The following ANKRD36 variants were observed in gnomAD, a reference collection of about 807,000 sequenced individuals.
ANKRD36 encodes ankyrin repeat domain-containing protein 36A.
A neutral mutation model predicts 278.1 loss-of-function variants in ANKRD36; 179 were observed. The observed-to-expected ratio is 0.64, with a 90% CI of 0.57 to 0.73. The LOEUF (loss-of-function observed/expected upper bound fraction) is 0.73, where lower values mean the gene tolerates loss of function less well. Among genes scored for constraint, ANKRD36 ranks in the 30% least tolerant of loss-of-function variants. The probability of loss-of-function intolerance (pLI) is 0.00; values close to 1 mark genes in which losing one functional copy is unlikely to be tolerated. For missense variants in ANKRD36, 1,159 were observed against 1,956.7 expected, an observed-to-expected ratio of 0.59 and a Z score of 7.69; for synonymous variants, 320 against 641.1, an observed-to-expected ratio of 0.50 and a Z score of 7.57.
In ANKRD36 at chr2:97,113,729, A is replaced by C. The variant is rs553302847; in HGVS notation, c.-11A>C. ...AATACGGCTGCAGGCTACAATTTGC[A>C]GCCGACGATTATGGAAGACGGCAAG... On this transcript the variant is annotated 5_prime_UTR_variant, in exon 1 of 76. Transcript: ENST00000420699. 3.7e-5 allele frequency: 59 copies of C among 1,611,440 alleles called. No individual in the cohort carries two copies. The African/African-American group carries it at 7.3e-4, about 20-fold the overall frequency.
rs575508349 is a variant in ANKRD36 at position 97,175,870 on chromosome 2, A to T, written c.1634-3868A>T. On this transcript the variant is annotated intron_variant, in intron 22 of 75. Transcript: ENST00000420699. ...AAAGAACATCTTTATTTCTGCCTTC[A>T]TTTTGTTATGTACCCAGTAGTCATT... Among the ~76,000 whole-genome samples the T allele has an allele frequency of 5.3e-5, 8 of 151,494 alleles. No individual in the cohort carries two copies. In the East Asian group the frequency reaches 1.6e-3, roughly 30 times the overall value.
At chr2:97,189,419 A>C in intron 34 of ANKRD36, 129 bp downstream of exon 34, 1 of 457,886 alleles carries the variant, frequency 2.2e-6, no homozygotes, top group East Asian at 2.9e-5. Flanking sequence ...AGCAGGCCTG[A>C]GAGTCTTCAT....
chr2:97,201,333 T>A (rs2061323902), intron 46 of ANKRD36, among the ~76,000 whole-genome samples: 5 of 151,888 alleles, frequency 3.3e-5, no homozygotes, highest in Admixed American at 3.3e-4. Flanking sequence ...GAAAATAACA[T>A]GATACTGCCT....
intron 10 of ANKRD36, 23 bp downstream of exon 10, chr2:97,144,735 AT>A (rs1288948279): frequency 6.5e-7 from 1 of 1,542,836 alleles, no homozygotes; most frequent in African/African-American, 1.4e-5. Context: ...TACACATTTA[AT>A]GCCATGTACA....
At chr2:97,221,233 A>G (rs2067569251) in intron 66 of ANKRD36, among the ~76,000 whole-genome samples, 1 of 119,234 alleles carries the variant, frequency 8.4e-6, no homozygotes, top group Non-Finnish European at 1.6e-5. Flanking sequence ...TGCCGCAATA[A>G]ACATACGTGT....
At chr2:97,188,363 T>A (rs2057863411) in intron 32 of ANKRD36, among the ~76,000 whole-genome samples, 4 of 151,362 alleles carry the variant, frequency 2.6e-5, no homozygotes, top group Admixed American at 2.0e-4. Context: ...TTTTACTTTG[T>A]AGAAGTATGT....
chr2:97,114,218 G>T (rs1455142605), intron 1 of ANKRD36, among the ~76,000 whole-genome samples: 1 of 116,026 alleles, frequency 8.6e-6, no homozygotes, highest in Non-Finnish European at 1.8e-5. Context: ...AGGCTTGGGG[G>T]GTAGGGGCGT....
intron 67 of ANKRD36, among the ~76,000 whole-genome samples, chr2:97,233,107 C>T (rs1317902347): frequency 2.6e-5 from 4 of 151,538 alleles, no homozygotes; most frequent in Admixed American, 1.3e-4. Context: ...AACTGTAGTG[C>T]AAATAAATAT....
chr2:97,217,521 T>G (rs1195443753), intron 64 of ANKRD36, 149 bp downstream of exon 64: 5 of 972,534 alleles, frequency 5.1e-6, no homozygotes, highest in East Asian at 2.7e-5. Flanking sequence ...TTGTCAGGTG[T>G]TGTTGATGCT....
At chr2:97,211,356 T>G (rs1257674432) in intron 56 of ANKRD36, among the ~76,000 whole-genome samples, 190 bp from the exon 57 acceptor site, 1 of 151,888 alleles carries the variant, frequency 6.6e-6, no homozygotes, top group East Asian at 2.0e-4. Flanking sequence ...AGGATATATT[T>G]CATGGAGCCT....
Position 97,154,630 on chromosome 2 carries a change from A to G in ANKRD36, c.1194-45A>G. 2 of 1,425,370 alleles carry G rather than the reference A, an allele frequency of 1.4e-6. 1 individual carries two copies. Among genetic ancestry groups the G allele is most frequent in the Non-Finnish European group, 1.9e-6 (2 of 1,050,070 alleles). The allele number at this position is 1,425,370 out of a possible 1,614,324, so 88.3% of individuals were successfully genotyped here. ...AGACTGACGGTTTTTGTTTTCTTTT[A>G]AGAAATGAACGTGCTCATTTTTGTA... is the stretch of plus-strand genomic sequence containing the variant. On this transcript the variant is annotated intron_variant, in intron 14 of 75. Transcript: ENST00000420699.
intron 15 of ANKRD36, among the ~76,000 whole-genome samples, chr2:97,155,007 A>G (rs2047111835): frequency 1.4e-5 from 2 of 144,494 alleles, no homozygotes; most frequent in African/African-American, 4.9e-5. Flanking sequence ...TGACAGGAAA[A>G]TATGGTTTTG....
intron 56 of ANKRD36, among the ~76,000 whole-genome samples, chr2:97,210,540 G>A (rs1375412948): frequency 1.3e-5 from 2 of 151,828 alleles, no homozygotes; most frequent in African/African-American, 4.8e-5. Flanking sequence ...GTTACTAGGA[G>A]GCGTCAGAGA....
At chr2:97,135,051 C>G (rs2041140272) in intron 6 of ANKRD36, among the ~76,000 whole-genome samples, 1 of 152,110 alleles carries the variant, frequency 6.6e-6, no homozygotes, top group South Asian at 2.1e-4. Context: ...CTCTCTTAGG[C>G]TCTTCTGCAC....
At chr2:97,225,805 G>A (rs2069339978) in intron 67 of ANKRD36, among the ~76,000 whole-genome samples, 1 of 145,412 alleles carries the variant, frequency 6.9e-6, no homozygotes, top group Non-Finnish European at 1.5e-5. Flanking sequence ...TCCCCAGAGT[G>A]TGATGTTCCC....
At chr2:97,154,819 G>C in intron 15 of ANKRD36, 78 bp downstream of exon 15, 1 of 1,177,238 alleles carries the variant, frequency 8.5e-7, no homozygotes, top group Non-Finnish European at 1.2e-6. Flanking sequence ...GCAAATAATA[G>C]GTAGCAATTG....
rs750675277 is a variant in ANKRD36, at chr2:97,185,487, A to G, written c.2018A>G (p.Lys673Arg). 12 of 1,611,090 alleles carry G rather than the reference A, an allele frequency of 7.4e-6. No homozygotes were observed. The highest frequency in any genetic ancestry group is 9.3e-6 in the Non-Finnish European group (11 of 1,178,582). Residue 673 changes from lysine (K) to arginine (R), a missense_variant, in exon 30 of 76, where the codon AAG (lysine) becomes AGG (arginine). By Grantham distance (26) the Lys-to-Arg change is conservative. Transcript: ENST00000420699. ...DSALNIATEI[K>R]DGLQCGTVSS... is the part of the protein sequence containing the mutation. ...GCTTTGAATATAGCTACAGAAATAA[A>G]GGATGGACTACAGTGTGGGACAGGT... is the stretch of plus-strand genomic sequence containing the variant.
rs775935828 is a variant in ANKRD36, at chr2:97,185,431, C to T, written c.1969-7C>T. ...TTTATTGATAATTTGCTTCAAATTA[C>T]TTTCAGGCTACAAGTGACAAGACAG... On this transcript the variant is annotated splice_polypyrimidine_tract_variant and splice_region_variant and intron_variant, in intron 29 of 75. Coordinates refer to ENST00000420699, the MANE Select transcript of ANKRD36 (RefSeq NM_001354587.1). 1.9e-6 allele frequency: 3 copies of T among 1,609,512 alleles called. No individual in the cohort carries two copies. The highest frequency in any genetic ancestry group is 1.7e-6 in the Non-Finnish European group (2 of 1,177,808).
intron 6 of ANKRD36, among the ~76,000 whole-genome samples, chr2:97,135,225 A>T (rs2041185658): frequency 6.6e-6 from 1 of 151,916 alleles, no homozygotes; most frequent in East Asian, 1.9e-4. Context: ...GTTTCAACAA[A>T]ATAAGTACAG....
Sources: allele counts gnomAD v4.1 joint callset (sites outside exome capture counted in the v4.1 genomes callset), GRCh38; gene constraint gnomAD v4.1.1; transcripts MANE v1.5; gene names NCBI Gene and HGNC (gene_info 2026-07-23, HGNC 2026-07-21).